Variants in UCK1 observed in about 807,000 individuals in gnomAD.
UCK1 encodes cytidine monophosphokinase 1.
Under a neutral mutation model 34.0 loss-of-function variants are expected in UCK1, and 20 were observed. The ratio of observed to expected loss-of-function variants is 0.59; its 90% CI spans 0.41 to 0.86. The LOEUF (loss-of-function observed/expected upper bound fraction) is 0.86, where lower values mean the gene tolerates loss of function less well. UCK1 is among the 40% of genes least tolerant of loss of function. The pLI is 0.00. For synonymous variants in UCK1, 168 were observed against 155.9 expected, an observed-to-expected ratio of 1.08 and a Z score of -0.58; for missense variants, 343 against 383.6, an observed-to-expected ratio of 0.89 and a Z score of 0.88.
Position 131,529,128 on chromosome 9 carries a change from C to T in UCK1, c.508G>A (p.Val170Ile), listed in dbSNP as rs1426128293. ...GCACGGAGGCCCGCGGCCGCCTTAC[C>T]TCTTCGAGACAGCCTGACGTCGGAG... ...TDSDVRLSRR[V>I]LRDVRRGRDL... Residue 170 changes from valine (V) to isoleucine (I), a missense_variant and splice_region_variant, in exon 4 of 7, where the codon GTT becomes ATT. Transcript: ENST00000372215. 3.7e-6 allele frequency: 6 copies of T among 1,613,738 alleles called. No homozygotes were observed. Among genetic ancestry groups the T allele is most frequent in the Non-Finnish European group, 5.1e-6 (6 of 1,179,858 alleles).
chr9:131,529,987 C>A (rs962655835), intron 2 of UCK1, among the ~76,000 whole-genome samples: 4 of 152,228 alleles, frequency 2.6e-5, no homozygotes, highest in African/African-American at 9.6e-5. Flanking sequence ...TGCCAGCCAG[C>A]CAGGGTGGAA....
chr9:131,527,154 CAAAAAA>C (rs34625466), intron 5 of UCK1, among the ~76,000 whole-genome samples: 1 of 126,778 alleles, frequency 7.9e-6, no homozygotes, highest in Non-Finnish European at 1.7e-5. Flanking sequence ...CCCGTCTGTG[CAAAAAA>C]AAAAAAAAAA....
chr9:131,528,862 G>A (rs1950712814), intron 5 of UCK1, 82 bp downstream of exon 5: 1 of 1,522,262 alleles, frequency 6.6e-7, no homozygotes, highest in East Asian at 2.4e-5. Flanking sequence ...CTGTCACCCA[G>A]CACTAAGCCC....
At chr9:131,526,526 G>A in intron 5 of UCK1, 1 of 1,289,352 alleles carries the variant, frequency 7.8e-7, no homozygotes, top group Non-Finnish European at 1.0e-6. Flanking sequence ...GACAAGGATG[G>A]AGATATATCA....
intron 2 of UCK1, among the ~76,000 whole-genome samples, chr9:131,530,126 C>T (rs1950774337): frequency 6.6e-6 from 1 of 152,232 alleles, no homozygotes; most frequent in African/African-American, 2.4e-5. Context: ...CCCCAAAGCA[C>T]GGGAGGGCAC....
intron 3 of UCK1, 75 bp from the exon 4 acceptor site, chr9:131,529,345 T>G (rs1950739321): frequency 1.2e-6 from 2 of 1,605,312 alleles, no homozygotes; most frequent in Non-Finnish European, 1.7e-6. Flanking sequence ...CAGCTTCCAT[T>G]GCAGGGACAC....
In UCK1 at chr9:131,526,242, C is replaced by G. The variant is rs559051464; in HGVS notation, c.604-265G>C. On this transcript the variant is annotated intron_variant, in intron 5 of 6. Transcript: ENST00000372215. ...CCATTCCATCACAGAAGACAGCCCCCTTCCAGTGTTCCCACTCCATTACAG... is the reference window on the plus strand; with the variant it reads ...CCATTCCATCACAGAAGACAGCCCCGTTCCAGTGTTCCCACTCCATTACAG... 49 of 667,652 alleles carry G rather than the reference C, an allele frequency of 7.3e-5. 1 individual carries two copies. In the East Asian group the frequency reaches 1.5e-3, roughly 20 times the overall value. The allele number at this position is 667,652 out of a possible 1,614,324, so 41.4% of individuals were successfully genotyped here.
chr9:131,526,764 G>C (rs1283708978), intron 5 of UCK1, among the ~76,000 whole-genome samples: 4 of 152,228 alleles, frequency 2.6e-5, no homozygotes, highest in East Asian at 1.9e-4. Context: ...AGGCAGACAG[G>C]GACCAAGTCC....
In UCK1 at chr9:131,524,974, GT is replaced by G; in HGVS notation, c.*65del. The G allele has an allele frequency of 6.5e-7, 1 of 1,548,250 alleles. No individual in the cohort carries two copies. The highest frequency in any genetic ancestry group is 1.9e-5 in the Admixed American group (1 of 52,286). ...GAGGAAGCAGTGGGTGTGGGTGGGCGTCCCCAGGCTCAGTCCCTGAACACAC... is the reference window on the plus strand; with the variant it reads ...GAGGAAGCAGTGGGTGTGGGTGGGCGCCCCAGGCTCAGTCCCTGAACACAC... On this transcript the variant is annotated 3_prime_UTR_variant, in exon 7 of 7. Transcript: ENST00000372215.
rs1321666167 is a variant in UCK1, at chr9:131,529,178, T to G, written c.458A>C (p.His153Pro). Residue 153 changes from histidine to proline, a missense_variant, in exon 4 of 7, where the codon CAC becomes CCC. By Grantham distance (77) the His-to-Pro change is moderately conservative. Coordinates refer to ENST00000372215, the MANE Select transcript of UCK1 (RefSeq NM_031432.5). ...GTCGGTGTCCACGAAGAGGCGCAGGTGGAACATGTCCCGGATCTCCTGGCT... is the reference window on the plus strand; with the variant it reads ...GTCGGTGTCCACGAAGAGGCGCAGGGGGAACATGTCCCGGATCTCCTGGCT... Reference protein sequence around the residue: ...FYSQEIRDMFHLRLFVDTDSD... With the variant: ...FYSQEIRDMFPLRLFVDTDSD... 1 of 1,614,006 alleles carries G rather than the reference T, an allele frequency of 6.2e-7. No homozygotes were observed. The highest frequency in any genetic ancestry group is 8.5e-7 in the Non-Finnish European group (1 of 1,179,998).
In UCK1 at chr9:131,530,478, C is replaced by T. The variant is rs201470327; in HGVS notation, c.268+8G>A. On this transcript the variant is annotated splice_region_variant and intron_variant, in intron 2 of 6. Coordinates refer to ENST00000372215, the MANE Select transcript of UCK1 (RefSeq NM_031432.5). ...TGCCCTCCCCACATCGTTGGGCTCG[C>T]GATTTACCTGGATGGTCAAAATTGT... 6.2e-7 allele frequency: 1 copy of T among 1,613,760 alleles called. No individual in the cohort carries two copies. The highest frequency in any genetic ancestry group is 8.5e-7 in the Non-Finnish European group (1 of 1,179,628).
chr9:131,529,885 G>A (rs1311659599), intron 2 of UCK1, among the ~76,000 whole-genome samples: 1 of 152,238 alleles, frequency 6.6e-6, no homozygotes, highest in Non-Finnish European at 1.5e-5. Context: ...TGGGTAGGCT[G>A]GGCCTCTGCT....
intron 2 of UCK1, 133 bp from the exon 3 acceptor site, chr9:131,529,717 C>T: frequency 1.4e-6 from 1 of 722,740 alleles, no homozygotes. Flanking sequence ...TAGACTAGGA[C>T]TACGGCAGTG....
rs1950517836 is a variant in UCK1 at position 131,524,767 on chromosome 9, T to C, written c.*273A>G. 2.6e-6 allele frequency: 1 copy of C among 386,460 alleles called. No homozygotes were observed. The highest frequency in any genetic ancestry group is 2.1e-5 in the African/African-American group (1 of 48,224). The allele number at this position is 386,460 out of a possible 1,614,324, so 23.9% of individuals were successfully genotyped here. On this transcript the variant is annotated 3_prime_UTR_variant, in exon 7 of 7. Transcript: ENST00000372215. The stretch of plus-strand genomic sequence containing the variant: ...CCTCACAGAAGCCTCCCAGGCTTCC[T>C]GCACATTCTGTGGCATTTCTCAGTG...
At position 131,530,544 on chromosome 9, in the gene UCK1, G is replaced by C. The variant is rs763569442; in HGVS notation, c.210C>G (p.Val70=). 1.2e-6 allele frequency: 2 copies of C among 1,614,256 alleles called. No homozygotes were observed. Among genetic ancestry groups the C allele is most frequent in the Non-Finnish European group, 1.7e-6 (2 of 1,180,040 alleles). ...CCTTGGCCTTCTGCTCTGCCGTCAG[G>C]ACCTTGTAGAACCTGTCCTGGCTCA... is the stretch of plus-strand genomic sequence containing the variant. The part of the protein sequence containing the change: ...VILSQDRFYK[V]LTAEQKAKAL... Residue 70 remains valine (V), a synonymous_variant, in exon 2 of 7, where the codon GTC becomes GTG. Coordinates refer to ENST00000372215, the MANE Select transcript of UCK1 (RefSeq NM_031432.5).
At chr9:131,530,778 T>C (rs1247382178) in intron 1 of UCK1, 133 bp from the exon 2 acceptor site, 4 of 1,525,740 alleles carry the variant, frequency 2.6e-6, no homozygotes, top group Non-Finnish European at 1.8e-6. Context: ...CCAACAGGTG[T>C]GGATGGTCTC....
rs77788301 is a variant in UCK1 at position 131,524,533 on chromosome 9, GAAACAGA to G, written c.*500_*506del. 17,160 of 153,176 alleles carry G rather than the reference GAAACAGA, an allele frequency of 0.11. 1,173 individuals carry two copies. Among genetic ancestry groups the G allele is most frequent in the Non-Finnish European group, 0.15 (10,033 of 68,690 alleles). The allele number at this position is 153,176 out of a possible 1,614,324, so 9.5% of individuals were successfully genotyped here. A position where few individuals can be genotyped will look rare whatever the true frequency, so the allele number is the denominator to read the frequency against. On this transcript the variant is annotated 3_prime_UTR_variant, in exon 7 of 7. Coordinates refer to ENST00000372215, the MANE Select transcript of UCK1 (RefSeq NM_031432.5). Reference sequence around the variant, plus strand: ...TAGGCCACAACCAGCCTTGTGTTATGAAACAGAAAACAGAAAACATGAGGACATGTAA... The same window carrying G: ...TAGGCCACAACCAGCCTTGTGTTATGAAACAGAAAACATGAGGACATGTAA...
Position 131,530,566 on chromosome 9 carries a change from C to G in UCK1, c.188G>C (p.Ser63Thr). The change falls in exon 2 of 7, where the codon AGC (serine) becomes ACC (threonine). Residue 63 changes from serine (S) to threonine (T), a missense_variant. Coordinates refer to ENST00000372215, the MANE Select transcript of UCK1 (RefSeq NM_031432.5). Reference protein sequence around the residue: ...EQRQRKVVILSQDRFYKVLTA... With the variant: ...EQRQRKVVILTQDRFYKVLTA... Reference sequence around the variant, plus strand: ...CAGGACCTTGTAGAACCTGTCCTGGCTCAGGATGACCACCTTCCGCTGCCG... The same window carrying G: ...CAGGACCTTGTAGAACCTGTCCTGGGTCAGGATGACCACCTTCCGCTGCCG... 1 of 1,614,260 alleles carries G rather than the reference C, an allele frequency of 6.2e-7. No individual in the cohort carries two copies. The highest frequency in any genetic ancestry group is 8.5e-7 in the Non-Finnish European group (1 of 1,180,046).
Position 131,529,205 on chromosome 9 carries a change from T to G in UCK1, c.431A>C (p.Tyr144Ser). The G allele has an allele frequency of 6.2e-7, 1 of 1,614,140 alleles. No individual in the cohort carries two copies. Among genetic ancestry groups the G allele is most frequent in the Non-Finnish European group, 8.5e-7 (1 of 1,180,024 alleles). Reference sequence around the variant, plus strand: ...GAACATGTCCCGGATCTCCTGGCTGTAGAACACCAAGATGCCCTCAAACAG... The same window carrying G: ...GAACATGTCCCGGATCTCCTGGCTGGAGAACACCAAGATGCCCTCAAACAG... Reference protein sequence around the residue: ...VVLFEGILVFYSQEIRDMFHL... With the variant: ...VVLFEGILVFSSQEIRDMFHL... Residue 144 changes from tyrosine to serine, a missense_variant, in exon 4 of 7, where the codon TAC becomes TCC. Coordinates refer to ENST00000372215, the MANE Select transcript of UCK1 (RefSeq NM_031432.5).
Sources: allele counts gnomAD v4.1 joint callset (sites outside exome capture counted in the v4.1 genomes callset), GRCh38; gene constraint gnomAD v4.1.1; transcripts MANE v1.5; gene names NCBI Gene and HGNC (gene_info 2026-07-23, HGNC 2026-07-21).